Variants in CRACD observed in about 807,000 individuals in gnomAD.
CRACD encodes the protein capping protein inhibiting regulator of actin dynamics, also known as capping protein-inhibiting regulator of actin dynamics.
A neutral mutation model predicts 106.8 loss-of-function variants in CRACD; 56 were observed. That is an observed-to-expected ratio of 0.52 (90% CI 0.42 to 0.66). The LOEUF (loss-of-function observed/expected upper bound fraction) is 0.66, where lower values mean the gene tolerates loss of function less well. Ranked by LOEUF, CRACD falls within the 30% of genes least tolerant of loss-of-function variation. The pLI, the probability that CRACD is intolerant of heterozygous loss-of-function variation, is 0.00. For missense variants in CRACD, 1,730 were observed against 1,623.2 expected, an observed-to-expected ratio of 1.07 and a Z score of -1.13; for synonymous variants, 754 against 670.8, an observed-to-expected ratio of 1.12 and a Z score of -1.92.
intron 2 of CRACD, among the ~76,000 whole-genome samples, chr4:56,214,675 C>CTATATATATA (rs1326712395): frequency 1.6e-4 from 11 of 70,216 alleles, no homozygotes; most frequent in African/African-American, 5.7e-4. Context: ...CTCTCTCTCT[C>CTATATATATA]TCTCTCTATA....
At chr4:56,110,617 G>C (rs1383474053) in intron 1 of CRACD, among the ~76,000 whole-genome samples, 1 of 151,296 alleles carries the variant, frequency 6.6e-6, no homozygotes. Flanking sequence ...TTTTTTTTGA[G>C]ACAGGGTCTC....
At chr4:56,246,746 T>C (rs1740704335) in intron 2 of CRACD, 1 of 152,220 alleles carries the variant, frequency 6.6e-6, no homozygotes, top group Admixed American at 6.5e-5. Flanking sequence ...AAAGGCCCTG[T>C]ACTTCCCTCT....
chr4:56,205,826 A>G (rs17086455), intron 2 of CRACD, among the ~76,000 whole-genome samples: 1,832 of 152,216 alleles, frequency 0.012, 37 homozygotes, highest in African/African-American at 0.04. Context: ...TTTGTTTGTC[A>G]TTTTTAATGT....
intron 1 of CRACD, among the ~76,000 whole-genome samples, chr4:56,090,940 T>C (rs1322417685): frequency 6.6e-6 from 1 of 152,224 alleles, no homozygotes; most frequent in Non-Finnish European, 1.5e-5. Flanking sequence ...CTTTCTGAGA[T>C]CCAACTGGGT....
rs973776811 is a variant in CRACD at position 56,314,837 on chromosome 4, C to G, written c.1335C>G (p.Ser445=). ...RLKPEGQREH[S]EEPGICEEQN... ...AACCCGAAGGACAAAGAGAACACTC[C>G]GAGGAGCCAGGTATTTGCGAGGAGC... is the stretch of plus-strand genomic sequence containing the variant. Residue 445 remains serine (S), a synonymous_variant, in exon 8 of 11, where the codon TCC becomes TCG. Coordinates refer to ENST00000682029, the MANE Select transcript of CRACD (RefSeq NM_001393381.1). The surrounding 1 kb of genome is among the most constrained non-coding windows in gnomAD (Gnocchi z 4.4). 6.2e-7 allele frequency: 1 copy of G among 1,611,104 alleles called. No homozygotes were observed. Among genetic ancestry groups the G allele is most frequent in the Non-Finnish European group, 8.5e-7 (1 of 1,179,212 alleles).
chr4:56,269,266 C>G (rs998348751), intron 2 of CRACD, among the ~76,000 whole-genome samples: 7 of 151,992 alleles, frequency 4.6e-5, no homozygotes, highest in Non-Finnish European at 7.4e-5. Flanking sequence ...GCCTGTAATC[C>G]CAGCTACTCA....
chr4:56,260,671 GAA>G (rs1163566276), intron 2 of CRACD, among the ~76,000 whole-genome samples: 1 of 152,156 alleles, frequency 6.6e-6, no homozygotes. Flanking sequence ...TCAATACATT[GAA>G]AGATTTTAAA....
chr4:56,312,113 T>A (rs900131023), intron 6 of CRACD, among the ~76,000 whole-genome samples: 8 of 152,208 alleles, frequency 5.3e-5, no homozygotes, highest in African/African-American at 1.9e-4. Flanking sequence ...CTTCCTTTTA[T>A]CTTCTCAGTG....
At position 56,314,805 on chromosome 4, in the gene CRACD, C is replaced by T. The variant is rs753229226; in HGVS notation, c.1303C>T (p.Arg435Cys). ...DFEERLEDQERLKPEGQREHS... is the reference protein window; with the variant it reads ...DFEERLEDQECLKPEGQREHS... ...TGAGGAGAGGCTCGAAGACCAGGAA[C>T]GCCTGAAACCCGAAGGACAAAGAGA... Residue 435 changes from arginine (R) to cysteine (C), a missense_variant, in exon 8 of 11, where the codon CGC becomes TGC. Coordinates refer to ENST00000682029, the MANE Select transcript of CRACD (RefSeq NM_001393381.1). The surrounding 1 kb of genome is among the most constrained non-coding windows in gnomAD (Gnocchi z 4.4). 19 of 1,604,806 alleles carry T rather than the reference C, an allele frequency of 1.2e-5. No homozygotes were observed. The East Asian group carries it at 3.1e-4, about 27-fold the overall frequency.
chr4:56,084,877 T>C (rs1230717624), intron 1 of CRACD, among the ~76,000 whole-genome samples: 2 of 152,210 alleles, frequency 1.3e-5, no homozygotes, highest in East Asian at 3.8e-4. Flanking sequence ...TTAGGACATA[T>C]AACTTCATCA....
At chr4:56,321,176 GA>G in intron 8 of CRACD, 1 of 272,400 alleles carries the variant, frequency 3.7e-6, no homozygotes, top group Non-Finnish European at 7.3e-6. Context: ...GGCAGTTGTG[GA>G]GGATAAACGG....
At chr4:56,207,530 G>A (rs1738182971) in intron 2 of CRACD, among the ~76,000 whole-genome samples, 1 of 151,884 alleles carries the variant, frequency 6.6e-6, no homozygotes, top group East Asian at 1.9e-4. Context: ...TGGCCACAGT[G>A]GCCCTTTATC....
rs58276857 is a variant in CRACD at position 56,273,345 on chromosome 4, G to C, written c.-17+853G>C. On this transcript the variant is annotated intron_variant, in intron 3 of 10. Coordinates refer to ENST00000682029, the MANE Select transcript of CRACD (RefSeq NM_001393381.1). ...CCTTCCTTCCTTCCTCCCTCCCTACGTCCCTCCCTCCCTCCCTCGTTTCTT... is the reference window on the plus strand; with the variant it reads ...CCTTCCTTCCTTCCTCCCTCCCTACCTCCCTCCCTCCCTCCCTCGTTTCTT... 3.3e-3 allele frequency among the ~76,000 whole-genome samples: 447 copies of C among 134,182 alleles called. 3 individuals are homozygous for C. The highest frequency in any genetic ancestry group is 0.012 in the African/African-American group (428 of 35,610). The allele number at this position is 134,182 out of a possible 152,430, so 88.0% of individuals were successfully genotyped here. A position where few individuals can be genotyped will look rare whatever the true frequency, so the allele number is the denominator to read the frequency against.
At chr4:56,181,193 G>A (rs1331971783) in intron 2 of CRACD, among the ~76,000 whole-genome samples, 1 of 152,202 alleles carries the variant, frequency 6.6e-6, no homozygotes, top group Non-Finnish European at 1.5e-5. Context: ...AGCAAGAGAA[G>A]TTGGTTAGTG....
chr4:56,192,373 C>T (rs542426967), intron 2 of CRACD, among the ~76,000 whole-genome samples: 13 of 150,522 alleles, frequency 8.6e-5, no homozygotes, highest in East Asian at 3.9e-4. Flanking sequence ...GCCTGAGTGG[C>T]GACAGAGCAA....
At chr4:56,152,848 GC>G (rs1431645314) in intron 1 of CRACD, among the ~76,000 whole-genome samples, 1 of 152,196 alleles carries the variant, frequency 6.6e-6, no homozygotes, top group African/African-American at 2.4e-5. Flanking sequence ...CCATGGGAAT[GC>G]CCTCTTCACC....
At chr4:56,132,310 G>A (rs1041688521) in intron 1 of CRACD, among the ~76,000 whole-genome samples, 9 of 152,012 alleles carry the variant, frequency 5.9e-5, no homozygotes, top group Non-Finnish European at 1.0e-4. Context: ...AAAGTGCTGG[G>A]ATTACAGACA....
rs866139504 is a variant in CRACD, at chr4:56,315,888, C to T, written c.2386C>T (p.Pro796Ser). 1 of 1,614,182 alleles carries T rather than the reference C, an allele frequency of 6.2e-7. No individual in the cohort carries two copies. The highest frequency in any genetic ancestry group is 1.3e-5 in the African/African-American group (1 of 75,058). Reference sequence around the variant, plus strand: ...GGGATGCAAATTTGCCAAAGACCTCCCGTCTTTCCTTGTCCCAAGCCTTCC... The same window carrying T: ...GGGATGCAAATTTGCCAAAGACCTCTCGTCTTTCCTTGTCCCAAGCCTTCC... Reference protein sequence around the residue: ...TEGCKFAKDLPSFLVPSLPYP... With the variant: ...TEGCKFAKDLSSFLVPSLPYP... Residue 796 changes from proline to serine, a missense_variant, in exon 8 of 11, where the codon CCG becomes TCG. Around this residue, in one of 5 missense-constraint regions of CRACD, gnomAD observed 1,620 missense variants for 1,481.6 expected, o/e 1.09. Coordinates refer to ENST00000682029, the MANE Select transcript of CRACD (RefSeq NM_001393381.1). This position sits in a 1 kb window ranked among gnomAD's most constrained non-coding sequence, Gnocchi z 4.1.
intron 1 of CRACD, among the ~76,000 whole-genome samples, chr4:56,164,986 T>C (rs914536161): frequency 2.0e-5 from 3 of 152,068 alleles, no homozygotes; most frequent in Admixed American, 6.5e-5. Flanking sequence ...TGAAATCAAG[T>C]GGGAGGAAAG....
Sources: gnomAD v4.1 joint callset for allele counts (sites outside exome capture counted in the v4.1 genomes callset) on GRCh38, gnomAD v4.1.1 for gene constraint, gnomAD v4.1.1 regional missense constraint, Gnocchi (gnomAD v3.1) non-coding constraint, MANE v1.5 for transcripts, NCBI Gene and HGNC (gene_info 2026-07-23, HGNC 2026-07-21) for gene names.